The following DAB1 variants were observed in gnomAD, a reference collection of about 807,000 sequenced individuals.
DAB1 encodes DAB adaptor protein 1, also known as disabled homolog 1.
A neutral mutation model predicts 64.6 loss-of-function variants in DAB1; 15 were observed. The ratio of observed to expected loss-of-function variants is 0.23; its 90% CI spans 0.16 to 0.36. The LOEUF (loss-of-function observed/expected upper bound fraction) is 0.36. Ranked by LOEUF, DAB1 falls within the 10% of genes least tolerant of loss-of-function variation. The pLI is 1.00. For synonymous variants in DAB1, 235 were observed against 251.9 expected (o/e 0.93, Z 0.64); for missense variants, 596 against 706.7 (o/e 0.84, Z 1.78).
intron 1 of DAB1, among the ~76,000 whole-genome samples, chr1:57,404,762 G>C (rs1350524244): frequency 6.6e-6 from 1 of 152,112 alleles, no homozygotes; most frequent in African/African-American, 2.4e-5. Context: ...AACACTAGAA[G>C]TTTTCATATT....
intron 6 of DAB1, among the ~76,000 whole-genome samples, chr1:57,730,437 G>A (rs959952016): frequency 1.3e-5 from 2 of 152,198 alleles, no homozygotes; most frequent in East Asian, 1.9e-4. Flanking sequence ...ATCAGAAGAT[G>A]TGTTCAACTA....
Position 57,980,776 on chromosome 1 carries a change from GT to G in DAB1, n.388-96615del, listed in dbSNP as rs148239001. On this transcript the variant is annotated intron_variant and non_coding_transcript_variant, in intron 5 of 20. Transcript: ENST00000485760. ...AAGTGGAGGGAATTTCTGGAAAGCAGTTCGGCAGTATGTATTAAAAGTCTGC... is the reference window on the plus strand; with the variant it reads ...AAGTGGAGGGAATTTCTGGAAAGCAGTCGGCAGTATGTATTAAAAGTCTGC... Among the ~76,000 whole-genome samples the G allele has an allele frequency of 7.7e-3, 1,171 of 152,208 alleles. 23 individuals carry two copies. The East Asian group carries it at 0.081, about 11-fold the overall frequency.
At chr1:58,446,492 A>T (rs1402306757) in intron 3 of DAB1, among the ~76,000 whole-genome samples, 1 of 152,194 alleles carries the variant, frequency 6.6e-6, no homozygotes, top group Non-Finnish European at 1.5e-5. Flanking sequence ...TTTATAATGC[A>T]GGGACCTTCC....
At chr1:57,020,136 G>T (rs1390752060) in intron 11 of DAB1, among the ~76,000 whole-genome samples, 3 of 152,154 alleles carry the variant, frequency 2.0e-5, no homozygotes, top group Non-Finnish European at 4.4e-5. Flanking sequence ...ACCCTGTGCA[G>T]CTTACATTTT....
At chr1:58,008,500 A>G (rs937013709) in intron 5 of DAB1, among the ~76,000 whole-genome samples, 3 of 152,126 alleles carry the variant, frequency 2.0e-5, no homozygotes, top group South Asian at 2.1e-4. Context: ...ATTAAAAAGG[A>G]CATTTATAGG....
chr1:58,484,098 T>A (rs886505586), intron 3 of DAB1, among the ~76,000 whole-genome samples: 2 of 152,216 alleles, frequency 1.3e-5, no homozygotes, highest in East Asian at 3.8e-4. Flanking sequence ...TCAGTCTTTT[T>A]AATACAACAA....
At chr1:57,982,902 A>G (rs1293877622) in intron 5 of DAB1, among the ~76,000 whole-genome samples, 3 of 152,136 alleles carry the variant, frequency 2.0e-5, no homozygotes, top group African/African-American at 7.2e-5. Context: ...TTCTCATTTA[A>G]TCTTCATGCT....
In DAB1 at chr1:57,174,230, C is replaced by A. The variant is rs190333711; in HGVS notation, c.68-28801G>T. Among the ~76,000 whole-genome samples the A allele has an allele frequency of 4.1e-3, 622 of 152,202 alleles. 8 individuals carry two copies. The highest frequency in any genetic ancestry group is 0.014 in the African/African-American group (593 of 41,526). On this transcript the variant is annotated intron_variant, in intron 2 of 14. Transcript: ENST00000371236. ...TCTGTATTGGTATTTCATGACTTAC[C>A]CCACCCTCTCTACAACCATTCCATA... is the stretch of plus-strand genomic sequence containing the variant.
intron 3 of DAB1, among the ~76,000 whole-genome samples, chr1:58,373,622 G>A (rs555340224): frequency 0.014 from 2,116 of 152,060 alleles, 49 homozygotes; most frequent in African/African-American, 0.048. Flanking sequence ...GAATAATGCC[G>A]CAATAAACAT....
chr1:57,106,436 G>A (rs927746119), intron 4 of DAB1, among the ~76,000 whole-genome samples: 3 of 152,062 alleles, frequency 2.0e-5, no homozygotes, highest in Non-Finnish European at 4.4e-5. Context: ...CCCAAGTTTG[G>A]CGGGGTGCAC....
At chr1:57,439,425 C>CTTTTTTTTT (rs71051230) in intron 7 of DAB1, among the ~76,000 whole-genome samples, 4 of 97,984 alleles carry the variant, frequency 4.1e-5, no homozygotes, top group Admixed American at 1.1e-4. Context: ...GAGGTTTTTT[C>CTTTTTTTTT]TTTTTTTTTT....
At chr1:58,118,536 A>C (rs1441011655) in intron 5 of DAB1, among the ~76,000 whole-genome samples, 3 of 125,836 alleles carry the variant, frequency 2.4e-5, no homozygotes, top group African/African-American at 9.5e-5. Flanking sequence ...ATATATATAA[A>C]ATACATATAT....
At chr1:58,122,878 T>C (rs142344784) in intron 5 of DAB1, among the ~76,000 whole-genome samples, 73 of 152,144 alleles carry the variant, frequency 4.8e-4, no homozygotes, top group African/African-American at 1.7e-3. Flanking sequence ...ACGGAAGAAA[T>C]AAGTTTCATC....
rs531928828 is a variant in DAB1 at position 57,049,765 on chromosome 1, A to G, written c.723+13119T>C. On this transcript the variant is annotated intron_variant, in intron 9 of 14. Transcript: ENST00000371236. ...CTTCCTCTAGTTTGTACTGTAACAC[A>G]GGAGGCTGATTGCCATAAACTGCAT... Among the ~76,000 whole-genome samples, 118 of 152,284 alleles carry G rather than the reference A, an allele frequency of 7.7e-4. 2 individuals are homozygous for G. Among genetic ancestry groups the G allele is most frequent in the Non-Finnish European group, 1.0e-4 (7 of 68,028 alleles).
At chr1:58,423,065 C>G (rs1005029473) in intron 3 of DAB1, among the ~76,000 whole-genome samples, 3 of 152,134 alleles carry the variant, frequency 2.0e-5, no homozygotes, top group Non-Finnish European at 4.4e-5. Flanking sequence ...CTCCATCATA[C>G]CACCTCTTCC....
intron 7 of DAB1, among the ~76,000 whole-genome samples, chr1:57,621,410 C>T (rs891315818): frequency 4.0e-5 from 6 of 151,482 alleles, no homozygotes; most frequent in African/African-American, 9.7e-5. Context: ...GGGAAGAGGG[C>T]GCAGAACTCA....
Position 57,139,476 on chromosome 1 carries a change from T to C in DAB1, c.208-2835A>G, listed in dbSNP as rs78769489. On this transcript the variant is annotated intron_variant, in intron 3 of 14. Coordinates refer to ENST00000371236, the MANE Select transcript of DAB1 (RefSeq NM_001365792.1). ...AAATTACCCAGTCTCAGGCATTTTGTTACAGCAGCACAAACGGACTAAGAA... is the reference window on the plus strand; with the variant it reads ...AAATTACCCAGTCTCAGGCATTTTGCTACAGCAGCACAAACGGACTAAGAA... Among the ~76,000 whole-genome samples the C allele has an allele frequency of 4.4e-3, 663 of 152,238 alleles. 6 individuals are homozygous for C. Among genetic ancestry groups the C allele is most frequent in the African/African-American group, 0.015 (633 of 41,554 alleles).
intron 14 of DAB1, among the ~76,000 whole-genome samples, chr1:57,003,919 A>G (rs997918790): frequency 2.6e-5 from 4 of 152,124 alleles, no homozygotes; most frequent in African/African-American, 7.2e-5. Context: ...TCAACTCCCT[A>G]TCTCAGTGCC....
chr1:57,431,878 C>A (rs1440182719), intron 7 of DAB1, among the ~76,000 whole-genome samples: 1 of 152,132 alleles, frequency 6.6e-6, no homozygotes, highest in Non-Finnish European at 1.5e-5. Flanking sequence ...AATCCCAGCA[C>A]TTTGGGAGGC....
Sources: gnomAD v4.1 joint callset for allele counts (sites outside exome capture counted in the v4.1 genomes callset) on GRCh38, gnomAD v4.1.1 for gene constraint, MANE v1.5 for transcripts, NCBI Gene and HGNC (gene_info 2026-07-23, HGNC 2026-07-21) for gene names.